SLC2A11: variants seen among roughly 807,000 people sequenced by gnomAD.
SLC2A11 encodes solute carrier family 2 member 11, also known as solute carrier family 2, facilitated glucose transporter member 11.
SLC2A11 carries 43 observed loss-of-function variants against 52.1 expected under a neutral mutation model. The observed-to-expected ratio is 0.82, with a 90% CI of 0.65 to 1.06. SLC2A11 has a LOEUF of 1.06. Ranked by LOEUF, SLC2A11 falls within the 50% of genes least tolerant of loss-of-function variation. The pLI is 0.00. For synonymous variants in SLC2A11, 261 were observed against 277.6 expected, an observed-to-expected ratio of 0.94 and a Z score of 0.59; for missense variants, 582 against 654.2, an observed-to-expected ratio of 0.89 and a Z score of 1.20.
At chr22:23,875,074 C>T in intron 3 of SLC2A11, 43 bp from the exon 4 acceptor site, 2 of 1,500,418 alleles carry the variant, frequency 1.3e-6, no homozygotes, top group Non-Finnish European at 1.8e-6. Context: ...TCCCGCTGGA[C>T]TGAATCACAG....
intron 2 of SLC2A11, chr22:23,867,072 A>G (rs532338513): frequency 6.5e-6 from 1 of 152,676 alleles, no homozygotes; most frequent in Admixed American, 6.5e-5. Context: ...TGTGGGCTGC[A>G]CAGGTGGCTC....
intron 2 of SLC2A11, among the ~76,000 whole-genome samples, chr22:23,862,653 C>T (rs1015600579): frequency 9.3e-5 from 14 of 150,962 alleles, no homozygotes; most frequent in Non-Finnish European, 1.5e-4. Flanking sequence ...GATGGAGTTT[C>T]GCTCTTGTTG....
At chr22:23,868,373 C>T (rs2032336487) in intron 2 of SLC2A11, 108 bp from the exon 3 acceptor site, 1 of 1,373,582 alleles carries the variant, frequency 7.3e-7, no homozygotes, top group Non-Finnish European at 1.0e-6. Context: ...TGCCTGTTGT[C>T]ATTGCCTGTT....
chr22:23,857,640 C>A, upstream of SLC2A11: 2 of 1,153,472 alleles, frequency 1.7e-6, no homozygotes, highest in Non-Finnish European at 2.5e-6. Flanking sequence ...GCACCCCCAG[C>A]CCTTCTTAAA....
chr22:23,857,197 G>A, upstream of SLC2A11: 1 of 792,368 alleles, frequency 1.3e-6, no homozygotes, highest in Admixed American at 2.4e-5. Context: ...ACCGGCGCAG[G>A]GAATCGCGCA....
At chr22:23,864,586 C>G (rs2032192655) in intron 2 of SLC2A11, among the ~76,000 whole-genome samples, 1 of 152,154 alleles carries the variant, frequency 6.6e-6, no homozygotes, top group Non-Finnish European at 1.5e-5. Flanking sequence ...TCCCAAAGTG[C>G]TGGGATTACA....
chr22:23,857,073 TGGGGGGGG>T, upstream of SLC2A11: 1 of 407,356 alleles, frequency 2.5e-6, no homozygotes, highest in Non-Finnish European at 4.0e-6. Context: ...TGTGTGTGTG[TGGGGGGGG>T]GGGGGTGTAG....
Position 23,882,854 on chromosome 22 carries a change from C to CA in SLC2A11, c.979dup (p.Thr327AsnfsTer5), listed in dbSNP as rs1384509896. The CA allele has an allele frequency of 6.2e-7, 1 of 1,612,154 alleles. No individual in the cohort carries two copies. Among genetic ancestry groups the CA allele is most frequent in the East Asian group, 2.2e-5 (1 of 44,728 alleles). ...TCGGGACTGGGAGCTGCGAGCTGCT[C>CA]ACGGCGGTTGTTAGTGTGAGTCTGG... On this transcript the variant is annotated frameshift_variant, in exon 8 of 12. Transcript: ENST00000316185. LOFTEE classifies it high-confidence loss of function.
chr22:23,874,006 T>C (rs991891199), intron 3 of SLC2A11, among the ~76,000 whole-genome samples: 21 of 152,176 alleles, frequency 1.4e-4, no homozygotes, highest in Non-Finnish European at 2.4e-4. Context: ...GGGTGATCTG[T>C]ATGGCAGCAC....
At position 23,882,622 on chromosome 22, in the gene SLC2A11, C is replaced by T; in HGVS notation, c.858C>T (p.Ala286=). ...QVTSLVVLGS[A]MELCGNDSVY... ...CAAGCCTCGTGGTTCTGGGCAGTGC[C>T]ATGGAGCTCTGCGGGAATGACTCGG... Residue 286 remains alanine, a synonymous_variant, in exon 7 of 12, where the codon GCC becomes GCT. Transcript: ENST00000316185. 1 of 1,613,118 alleles carries T rather than the reference C, an allele frequency of 6.2e-7. No homozygotes were observed. The highest frequency in any genetic ancestry group is 2.2e-5 in the East Asian group (1 of 44,854).
upstream of SLC2A11, chr22:23,857,451 GTGAGCGGCTTT>G: frequency 6.2e-7 from 1 of 1,613,456 alleles, no homozygotes. Flanking sequence ...CGAGTAAGGA[GTGAGCGGCTTT>G]TCAGCCTCAG....
chr22:23,883,562 C>T, intron 8 of SLC2A11: 3 of 504,660 alleles, frequency 5.9e-6, no homozygotes, highest in Non-Finnish European at 1.0e-5. Flanking sequence ...GTTTGCGGGT[C>T]ACTTCCAGCA....
intron 1 of SLC2A11, among the ~76,000 whole-genome samples, chr22:23,858,500 C>A (rs764761355): frequency 1.3e-5 from 2 of 152,224 alleles, no homozygotes; most frequent in Non-Finnish European, 2.9e-5. Flanking sequence ...CCTTCCCAAT[C>A]TGGACTGATT....
chr22:23,883,811 A>G lies in SLC2A11; in HGVS notation c.1033A>G (p.Ile345Val), dbSNP rs1364382538. The change falls in exon 9 of 12, where the codon ATC (isoleucine) becomes GTC (valine). Residue 345 changes from isoleucine to valine, a missense_variant. Transcript: ENST00000316185. ...GAGGGTGGGTCGGCGCGTGCTGCTC[A>G]TCGGTGGGTACAGCCTGATGACCTG... ...IERVGRRVLLIGGYSLMTCWG... is the reference protein window; with the variant it reads ...IERVGRRVLLVGGYSLMTCWG... 6.4e-7 allele frequency: 1 copy of G among 1,564,068 alleles called. No homozygotes were observed. The highest frequency in any genetic ancestry group is 2.3e-5 in the East Asian group (1 of 43,284).
intron 3 of SLC2A11, chr22:23,869,847 T>C: frequency 3.3e-6 from 2 of 603,318 alleles, no homozygotes; most frequent in Non-Finnish European, 5.9e-6. Context: ...CTTGTCCCTG[T>C]GTCCTCACAT....
intron 3 of SLC2A11, chr22:23,869,319 C>T (rs2032373295): frequency 6.6e-6 from 1 of 152,536 alleles, no homozygotes; most frequent in Non-Finnish European, 1.5e-5. Context: ...GAAAACCTAT[C>T]TCTACTAAAC....
upstream of SLC2A11, chr22:23,857,587 C>CA (rs71184920): frequency 1.1e-5 from 16 of 1,452,864 alleles, no homozygotes; most frequent in African/African-American, 2.0e-4. Flanking sequence ...ACCCCCCCCC[C>CA]GCGGCGGCGA....
intron 3 of SLC2A11, chr22:23,869,927 C>T: frequency 2.8e-6 from 2 of 708,582 alleles, no homozygotes; most frequent in Non-Finnish European, 5.2e-6. Flanking sequence ...AAGAGCCTGC[C>T]TAGTTCCCTC....
chr22:23,879,043 T>C (rs1302932981), intron 6 of SLC2A11, among the ~76,000 whole-genome samples: 3 of 151,726 alleles, frequency 2.0e-5, no homozygotes, highest in Non-Finnish European at 2.9e-5. Flanking sequence ...AATATGGCCA[T>C]GTCCCCTGCC....
Sources: gnomAD v4.1 joint callset for allele counts (sites outside exome capture counted in the v4.1 genomes callset) on GRCh38, gnomAD v4.1.1 for gene constraint, MANE v1.5 for transcripts, NCBI Gene and HGNC (gene_info 2026-07-23, HGNC 2026-07-21) for gene names.